Variants in PIGL observed in about 807,000 individuals in gnomAD.
The protein encoded by PIGL is phosphatidylinositol glycan anchor biosynthesis class L.
In PIGL, 22 loss-of-function variants were observed where a neutral mutation model predicts 31.1. The ratio of observed to expected loss-of-function variants is 0.71; its 90% confidence interval spans 0.51 to 1.01. PIGL has a LOEUF of 1.01. Ranked by LOEUF, PIGL falls within the 50% of genes least tolerant of loss-of-function variation. PIGL has a pLI of 0.00. For missense variants in PIGL, 302 were observed against 315.9 expected (o/e 0.96, Z 0.33); for synonymous variants, 131 against 117.4 (o/e 1.12, Z -0.75).
chr17:16,285,764 C>T (rs901716028), intron 2 of PIGL, among the ~76,000 whole-genome samples: 4 of 150,728 alleles, frequency 2.7e-5, no homozygotes, highest in Admixed American at 6.6e-5. Flanking sequence ...TTTCTCAGAT[C>T]GCCTTTTCCT....
chr17:16,291,521 A>AAAG (rs1555860362), intron 2 of PIGL, among the ~76,000 whole-genome samples: 112 of 140,180 alleles, frequency 8.0e-4, no homozygotes, highest in South Asian at 2.5e-3. Flanking sequence ...AAAAAAAAAA[A>AAAG]AAAGAAAGAA....
At chr17:16,277,863 C>T (rs888604285) in intron 2 of PIGL, among the ~76,000 whole-genome samples, 1 of 152,142 alleles carries the variant, frequency 6.6e-6, no homozygotes, top group African/African-American at 2.4e-5. Flanking sequence ...TGATTAACAA[C>T]ATACACTAAG....
chr17:16,311,007 G>T (rs571268405), intron 3 of PIGL, among the ~76,000 whole-genome samples: 189 of 152,266 alleles, frequency 1.2e-3, no homozygotes, highest in African/African-American at 4.1e-3. Context: ...CTCAATAAAT[G>T]TTAGCCACTC....
intron 2 of PIGL, among the ~76,000 whole-genome samples, chr17:16,289,530 C>T (rs542514438): frequency 2.6e-5 from 4 of 152,116 alleles, no homozygotes; most frequent in African/African-American, 4.8e-5. Flanking sequence ...CATCAGCATC[C>T]GAGAAATTTC....
chr17:16,323,544 C>T (rs1043577238), intron 6 of PIGL, among the ~76,000 whole-genome samples: 5 of 149,968 alleles, frequency 3.3e-5, no homozygotes, highest in South Asian at 2.1e-4. Context: ...GTGTATGGGG[C>T]CTTTTTATTG....
intron 3 of PIGL, among the ~76,000 whole-genome samples, chr17:16,302,921 A>G (rs1384544528): frequency 6.6e-6 from 1 of 152,122 alleles, no homozygotes; most frequent in Non-Finnish European, 1.5e-5. Flanking sequence ...TAAACTTGGA[A>G]TCCAAAATCC....
At chr17:16,226,221 T>G (rs1209823212) in intron 1 of PIGL, among the ~76,000 whole-genome samples, 1 of 152,060 alleles carries the variant, frequency 6.6e-6, no homozygotes, top group Non-Finnish European at 1.5e-5. Flanking sequence ...AGTATACTTG[T>G]CTCTGCCTCA....
intron 2 of PIGL, among the ~76,000 whole-genome samples, chr17:16,234,718 T>G (rs748054917): frequency 6.6e-6 from 1 of 152,200 alleles, no homozygotes; most frequent in Non-Finnish European, 1.5e-5. Flanking sequence ...TGAGCCAAGA[T>G]CACACCATTG....
intron 1 of PIGL, among the ~76,000 whole-genome samples, chr17:16,230,006 C>T (rs1052285145): frequency 1.3e-5 from 2 of 151,886 alleles, no homozygotes; most frequent in African/African-American, 2.4e-5. Flanking sequence ...GGACTACAGG[C>T]GTGTGCCCAC....
rs997591656 is a variant in PIGL, at chr17:16,221,029, C to A, written c.235+3568C>A. Among the ~76,000 whole-genome samples, 8 of 152,184 alleles carry A rather than the reference C, an allele frequency of 5.3e-5. No homozygotes were observed. In the South Asian group the frequency reaches 1.7e-3, roughly 32 times the overall value. ...TCTCATATCAGGTGACAGAGCAAGA[C>A]CCTGTCTTTATAAAATAAACCAAAC... On this transcript the variant is annotated intron_variant, in intron 1 of 6. Coordinates refer to ENST00000225609, the MANE Select transcript of PIGL (RefSeq NM_004278.4).
chr17:16,232,797 A>T (rs528565200), intron 1 of PIGL, among the ~76,000 whole-genome samples: 1 of 151,416 alleles, frequency 6.6e-6, no homozygotes, highest in Non-Finnish European at 1.5e-5. Flanking sequence ...AAAAGGTATG[A>T]TGAGGACAAT....
At chr17:16,280,461 T>C (rs936509089) in intron 2 of PIGL, among the ~76,000 whole-genome samples, 1 of 152,230 alleles carries the variant, frequency 6.6e-6, no homozygotes, top group African/African-American at 2.4e-5. Context: ...TATTGGGTCA[T>C]TTTTTGCATA....
At chr17:16,320,934 C>CTT (rs1568848787) in intron 6 of PIGL, among the ~76,000 whole-genome samples, 3 of 121,410 alleles carry the variant, frequency 2.5e-5, no homozygotes, top group Admixed American at 9.2e-5. Context: ...TGTGCCTGGC[C>CTT]ATTTTTTTTT....
At chr17:16,313,785 C>G (rs1422172466) in intron 4 of PIGL, among the ~76,000 whole-genome samples, 171 bp downstream of exon 4, 1 of 152,218 alleles carries the variant, frequency 6.6e-6, no homozygotes, top group Non-Finnish European at 1.5e-5. Context: ...ACCATGTCCT[C>G]TCGCTGAGAA....
chr17:16,272,907 T>C (rs1303510339), intron 2 of PIGL, among the ~76,000 whole-genome samples: 1 of 152,066 alleles, frequency 6.6e-6, no homozygotes, highest in African/African-American at 2.4e-5. Context: ...GTAGTTGTGA[T>C]TGAGGTATTT....
intron 2 of PIGL, among the ~76,000 whole-genome samples, chr17:16,274,614 T>G (rs1436126707): frequency 1.3e-5 from 2 of 151,324 alleles, no homozygotes; most frequent in African/African-American, 4.9e-5. Flanking sequence ...TCTCAGCTAC[T>G]TGGGAGGCTG....
At chr17:16,296,705 C>T (rs1426226474) in intron 2 of PIGL, among the ~76,000 whole-genome samples, 2 of 150,864 alleles carry the variant, frequency 1.3e-5, no homozygotes, top group African/African-American at 4.9e-5. Flanking sequence ...ATAACAGCCA[C>T]ACTTTTGATG....
At chr17:16,269,275 T>C (rs1296452774) in intron 2 of PIGL, among the ~76,000 whole-genome samples, 1 of 152,226 alleles carries the variant, frequency 6.6e-6, no homozygotes, top group Non-Finnish European at 1.5e-5. Flanking sequence ...AGGCTTTACA[T>C]GGCCAGTCTC....
chr17:16,252,055 A>ATTTTTTTTCC (rs2092774119), intron 2 of PIGL, among the ~76,000 whole-genome samples: 2 of 133,634 alleles, frequency 1.5e-5, no homozygotes, highest in African/African-American at 6.6e-5. Context: ...TGCGCAGATA[A>ATTTTTTTTCC]TTTTTTTTTC....
Sources: allele counts gnomAD v4.1 joint callset (sites outside exome capture counted in the v4.1 genomes callset), GRCh38; gene constraint gnomAD v4.1.1; transcripts MANE v1.5; gene names NCBI Gene and HGNC (gene_info 2026-07-23, HGNC 2026-07-21).